The following YWHAB variants were observed in gnomAD, a reference collection of about 807,000 sequenced individuals.
The protein encoded by YWHAB is 14-3-3 protein beta/alpha.
Under a neutral mutation model 28.5 loss-of-function variants are expected in YWHAB, and 2 were observed. The ratio of observed to expected loss-of-function variants is 0.07; its 90% CI spans 0.03 to 0.22. The LOEUF is 0.22. Among genes scored for constraint, YWHAB ranks in the 10% least tolerant of loss-of-function variants. The probability of loss-of-function intolerance (pLI) is 1.00; values close to 1 mark genes in which losing one functional copy is unlikely to be tolerated. For missense variants in YWHAB, 148 were observed against 297.1 expected (o/e 0.50, Z 3.69); for synonymous variants, 103 against 104.7 (o/e 0.98, Z 0.10).
Position 44,906,403 on chromosome 20 carries a change from G to C in YWHAB, c.706G>C (p.Gly236Arg). 6 of 1,612,400 alleles carry C rather than the reference G, an allele frequency of 3.7e-6. No homozygotes were observed. The highest frequency in any genetic ancestry group is 5.1e-6 in the Non-Finnish European group (6 of 1,179,772). The change falls in exon 6 of 6, where the codon GGA (glycine) becomes CGA (arginine). Residue 236 changes from glycine to arginine, a missense_variant. Coordinates refer to ENST00000353703, the MANE Select transcript of YWHAB (RefSeq NM_139323.4). ...GCAGCTGTGGACATCGGAAAACCAG[G>C]GAGACGAAGGAGACGCTGGGGAGGG... Reference protein sequence around the residue: ...NLTLWTSENQGDEGDAGEGEN With the variant: ...NLTLWTSENQRDEGDAGEGEN
At position 44,903,047 on chromosome 20, in the gene YWHAB, G is replaced by A. The variant is rs530555423; in HGVS notation, c.301-946G>A. On this transcript the variant is annotated intron_variant, in intron 2 of 5. Coordinates refer to ENST00000353703, the MANE Select transcript of YWHAB (RefSeq NM_139323.4). Reference sequence around the variant, plus strand: ...TGCCTCTTAACCAGTTTTTCAGGATGCCACATTCTAAAACAACTCTTCGAA... The same window carrying A: ...TGCCTCTTAACCAGTTTTTCAGGATACCACATTCTAAAACAACTCTTCGAA... The A allele has an allele frequency of 1.8e-5, 18 of 986,264 alleles. No individual in the cohort carries two copies. The African/African-American group carries it at 3.0e-4, about 16-fold the overall frequency. 61.1% of individuals were successfully genotyped at this position (986,264 alleles called of 1,614,324 possible). A position where few individuals can be genotyped will look rare whatever the true frequency, so the allele number is the denominator to read the frequency against.
chr20:44,906,300 G>T, intron 5 of YWHAB, 82 bp from the exon 6 acceptor site: 1 of 1,414,396 alleles, frequency 7.1e-7, no homozygotes, highest in South Asian at 1.2e-5. Flanking sequence ...ACTGTCGAGT[G>T]AGATAAGATT....
In YWHAB at chr20:44,906,487, A is replaced by G; in HGVS notation, c.*49A>G. 2.3e-6 allele frequency: 3 copies of G among 1,291,470 alleles called. No individual in the cohort carries two copies. The South Asian group carries it at 4.2e-5, about 18-fold the overall frequency. 80.0% of individuals were successfully genotyped at this position (1,291,470 alleles called of 1,614,324 possible). Reference sequence around the variant, plus strand: ...TTCAGTGTCACTCTGTACCCTCAACATATATCCCTTGTGCGATAAAAAAAA... The same window carrying G: ...TTCAGTGTCACTCTGTACCCTCAACGTATATCCCTTGTGCGATAAAAAAAA... On this transcript the variant is annotated 3_prime_UTR_variant, in exon 6 of 6. Transcript: ENST00000353703.
At position 44,905,137 on chromosome 20, in the gene YWHAB, A is replaced by G. The variant is rs2066648871; in HGVS notation, c.588+6A>G. 1.2e-6 allele frequency: 2 copies of G among 1,603,162 alleles called. No homozygotes were observed. Among genetic ancestry groups the G allele is most frequent in the Non-Finnish European group, 8.5e-7 (1 of 1,176,174 alleles). On this transcript the variant is annotated splice_donor_region_variant and intron_variant, in intron 4 of 5. Coordinates refer to ENST00000353703, the MANE Select transcript of YWHAB (RefSeq NM_139323.4). ...CCTGTAGCCTGGCAAAAACGGTGAG[A>G]AAGACCCTTTGTGATATCTAACCAT...
At chr20:44,886,278 T>G (rs1299094307) in intron 1 of YWHAB, 1 of 152,334 alleles carries the variant, frequency 6.6e-6, no homozygotes, top group Admixed American at 6.5e-5. Flanking sequence ...GCTCCGTGCT[T>G]TCTGGTTTCC....
intron 1 of YWHAB, among the ~76,000 whole-genome samples, chr20:44,900,650 G>T (rs1210920663): frequency 1.3e-5 from 2 of 152,190 alleles, no homozygotes; most frequent in East Asian, 3.8e-4. Flanking sequence ...AACAGGTTTA[G>T]TCAAAACCAG....
Position 44,899,368 on chromosome 20 carries a change from T to C in YWHAB, c.-3-2163T>C, listed in dbSNP as rs1307990325. ...GGTGGCACGTGCCTGTAATCCCAGC[T>C]ACCTGGGAGGCTAAGGCAGGAGAAT... On this transcript the variant is annotated intron_variant, in intron 1 of 5. Transcript: ENST00000353703. Among the ~76,000 whole-genome samples, 4 of 151,814 alleles carry C rather than the reference T, an allele frequency of 2.6e-5. No homozygotes were observed. The East Asian group carries it at 7.8e-4, about 30-fold the overall frequency.
chr20:44,899,908 C>G (rs2066616913), intron 1 of YWHAB, among the ~76,000 whole-genome samples: 1 of 152,200 alleles, frequency 6.6e-6, no homozygotes, highest in South Asian at 2.1e-4. Flanking sequence ...TTGTTATACA[C>G]CCCTTTCTCT....
At chr20:44,897,926 G>A (rs1025274541) in intron 1 of YWHAB, among the ~76,000 whole-genome samples, 1 of 152,142 alleles carries the variant, frequency 6.6e-6, no homozygotes, top group Non-Finnish European at 1.5e-5. Context: ...AGTCACCCGG[G>A]GACTCAGGCT....
At chr20:44,887,423 C>T (rs1171137981) in intron 1 of YWHAB, 2 of 152,184 alleles carry the variant, frequency 1.3e-5, no homozygotes, top group Non-Finnish European at 2.9e-5. Context: ...TTGGCCTAGA[C>T]TATACACCTA....
At chr20:44,904,811 A>C (rs2066647259) in intron 3 of YWHAB, among the ~76,000 whole-genome samples, 157 bp from the exon 4 acceptor site, 1 of 152,224 alleles carries the variant, frequency 6.6e-6, no homozygotes, top group African/African-American at 2.4e-5. Flanking sequence ...ATAAATATCT[A>C]ACAAATGTAT....
intron 1 of YWHAB, among the ~76,000 whole-genome samples, 174 bp from the exon 2 acceptor site, chr20:44,901,357 G>C (rs1413458270): frequency 6.6e-6 from 1 of 152,162 alleles, no homozygotes; most frequent in Admixed American, 6.5e-5. Flanking sequence ...CCTTAGCAAA[G>C]TACTTAACCC....
intron 1 of YWHAB, among the ~76,000 whole-genome samples, chr20:44,892,936 T>C (rs2066571729): frequency 6.6e-6 from 1 of 152,204 alleles, no homozygotes; most frequent in Non-Finnish European, 1.5e-5. Context: ...TAACAAATTA[T>C]TAAATTCAAA....
At chr20:44,886,220 C>T (rs1171745390) in intron 1 of YWHAB, 3 of 152,630 alleles carry the variant, frequency 2.0e-5, no homozygotes, top group Middle Eastern at 3.4e-3. Flanking sequence ...CGCGACCCCT[C>T]CCTGCGTCTT....
chr20:44,898,294 G>A lies in YWHAB; in HGVS notation c.-3-3237G>A, dbSNP rs143684384. On this transcript the variant is annotated intron_variant, in intron 1 of 5. Coordinates refer to ENST00000353703, the MANE Select transcript of YWHAB (RefSeq NM_139323.4). The stretch of plus-strand genomic sequence containing the variant: ...CCTTATATAAGACACAGCTCTGCAT[G>A]TGATTTAGATAATAAGCAGTAGGAA... Among the ~76,000 whole-genome samples the A allele has an allele frequency of 3.8e-3, 582 of 152,294 alleles. 1 individual carries two copies. The highest frequency in any genetic ancestry group is 4.9e-3 in the Non-Finnish European group (331 of 68,030).
intron 1 of YWHAB, among the ~76,000 whole-genome samples, chr20:44,890,018 A>G (rs1314644129): frequency 6.6e-6 from 1 of 152,228 alleles, no homozygotes; most frequent in Admixed American, 6.5e-5. Flanking sequence ...CACCTGCCTC[A>G]TAGGATACTT....
intron 1 of YWHAB, among the ~76,000 whole-genome samples, chr20:44,890,215 A>T (rs948897511): frequency 1.3e-5 from 2 of 152,252 alleles, no homozygotes; most frequent in African/African-American, 4.8e-5. Context: ...GCTTGTTGAA[A>T]GTCAGTTTGA....
intron 2 of YWHAB, chr20:44,903,158 G>A (rs2066636884): frequency 1.1e-6 from 1 of 934,970 alleles, no homozygotes; most frequent in African/African-American, 1.8e-5. Flanking sequence ...ATTATTAATA[G>A]TATTAGCTAC....
intron 1 of YWHAB, among the ~76,000 whole-genome samples, chr20:44,895,197 G>T (rs534408934): frequency 6.6e-6 from 1 of 152,304 alleles, no homozygotes; most frequent in African/African-American, 2.4e-5. Context: ...AGATAGGCAG[G>T]CAGTAAATAG....
Sources: gnomAD v4.1 joint callset for allele counts (sites outside exome capture counted in the v4.1 genomes callset) on GRCh38, gnomAD v4.1.1 for gene constraint, MANE v1.5 for transcripts, NCBI Gene and HGNC (gene_info 2026-07-23, HGNC 2026-07-21) for gene names.